The following FRAS1 variants were observed in gnomAD, a reference collection of about 807,000 sequenced individuals.
The protein encoded by FRAS1 is extracellular matrix organizing protein FRAS1.
FRAS1 carries 290 observed loss-of-function variants against 435.2 expected under a neutral mutation model. The observed-to-expected ratio is 0.67, with a 90% confidence interval of 0.61 to 0.73. The LOEUF is 0.73. Ranked by LOEUF, FRAS1 falls within the 30% of genes least tolerant of loss-of-function variation. The probability of loss-of-function intolerance (pLI) is 0.00; values close to 1 mark genes in which losing one functional copy is unlikely to be tolerated. For missense variants in FRAS1, 4,860 were observed against 5,001.5 expected (o/e 0.97, Z 0.85); for synonymous variants, 1,800 against 1,851.0 (o/e 0.97, Z 0.71).
At chr4:78,059,787 C>T (rs1231314813) in intron 1 of FRAS1, among the ~76,000 whole-genome samples, 1 of 149,196 alleles carries the variant, frequency 6.7e-6, no homozygotes, top group Non-Finnish European at 1.5e-5. Flanking sequence ...CGCTCTTTGG[C>T]AGATTGCTTG....
chr4:78,409,580 T>C (rs1409008075), intron 31 of FRAS1, among the ~76,000 whole-genome samples: 1 of 152,208 alleles, frequency 6.6e-6, no homozygotes, highest in East Asian at 1.9e-4. Context: ...AAAACCTGAT[T>C]CTTTGAAGAT....
At chr4:78,316,746 A>G (rs1337057869) in intron 16 of FRAS1, among the ~76,000 whole-genome samples, 1 of 152,202 alleles carries the variant, frequency 6.6e-6, no homozygotes, top group Non-Finnish European at 1.5e-5. Context: ...TTGTTACTTA[A>G]AATCCTAGAA....
chr4:78,441,457 A>T (rs897159058), intron 41 of FRAS1, among the ~76,000 whole-genome samples, 160 bp downstream of exon 41: 1 of 152,190 alleles, frequency 6.6e-6, no homozygotes, highest in South Asian at 2.1e-4. Context: ...ATTCAACAAA[A>T]ATTTAATGAG....
At chr4:78,194,127 C>T (rs1722686904) in intron 2 of FRAS1, among the ~76,000 whole-genome samples, 1 of 152,216 alleles carries the variant, frequency 6.6e-6, no homozygotes, top group African/African-American at 2.4e-5. Flanking sequence ...TGTAGAGTTT[C>T]TGCCGAGAGA....
At chr4:78,419,976 A>G (rs764151690) in intron 33 of FRAS1, among the ~76,000 whole-genome samples, 1 of 152,220 alleles carries the variant, frequency 6.6e-6, no homozygotes, top group African/African-American at 2.4e-5. Flanking sequence ...CCTGTGATCC[A>G]GTCACCTCCC....
intron 2 of FRAS1, among the ~76,000 whole-genome samples, chr4:78,234,452 C>G (rs554125418): frequency 2.0e-5 from 3 of 152,220 alleles, no homozygotes; most frequent in African/African-American, 7.2e-5. Flanking sequence ...ATCTCGATCT[C>G]CTGACCTCGT....
At chr4:78,068,433 A>G in intron 2 of FRAS1, 1 of 444,744 alleles carries the variant, frequency 2.2e-6, no homozygotes, top group Non-Finnish European at 4.5e-6. Context: ...GTAAAGTCTG[A>G]AGCAAGAGCT....
In FRAS1 at chr4:78,152,273, A is replaced by G. The variant is rs147064685; in HGVS notation, c.109-85237A>G. Among the ~76,000 whole-genome samples the G allele has an allele frequency of 5.6e-3, 859 of 152,262 alleles. 8 individuals carry two copies. Among genetic ancestry groups the G allele is most frequent in the African/African-American group, 0.02 (814 of 41,566 alleles). ...TCTTCTGTGTGGTTTTTAGAAAGGC[A>G]GGGTGTGTCTTAAGGCACTTTTCCT... is the stretch of plus-strand genomic sequence containing the variant. On this transcript the variant is annotated intron_variant, in intron 2 of 73. Transcript: ENST00000512123.
intron 2 of FRAS1, among the ~76,000 whole-genome samples, chr4:78,113,378 T>C (rs1294691960): frequency 6.6e-6 from 1 of 152,182 alleles, no homozygotes; most frequent in Non-Finnish European, 1.5e-5. Flanking sequence ...GTATTTCTAG[T>C]TCTAGATCCC....
intron 71 of FRAS1, among the ~76,000 whole-genome samples, 160 bp from the exon 72 acceptor site, chr4:78,536,835 T>C (rs1322578935): frequency 1.3e-5 from 2 of 152,180 alleles, no homozygotes; most frequent in Admixed American, 6.5e-5. Context: ...AACGAAGCAA[T>C]AAATGAATGA....
intron 2 of FRAS1, among the ~76,000 whole-genome samples, chr4:78,155,893 C>T (rs1284794948): frequency 1.3e-5 from 2 of 152,052 alleles, no homozygotes; most frequent in Non-Finnish European, 2.9e-5. Context: ...GCTCATTTTT[C>T]ATCAGGGAGA....
intron 29 of FRAS1, among the ~76,000 whole-genome samples, chr4:78,399,833 T>G (rs1163536535): frequency 6.6e-6 from 1 of 152,230 alleles, no homozygotes; most frequent in African/African-American, 2.4e-5. Flanking sequence ...TTTATCTCAG[T>G]GCTAGTCATT....
At chr4:78,455,040 A>G (rs1268179013) in intron 47 of FRAS1, among the ~76,000 whole-genome samples, 1 of 152,002 alleles carries the variant, frequency 6.6e-6, no homozygotes, top group East Asian at 1.9e-4. Context: ...AGTCCCTACC[A>G]GTTTTTCTCA....
At chr4:78,264,942 T>A in intron 6 of FRAS1, 83 bp from the exon 7 acceptor site, 1 of 798,082 alleles carries the variant, frequency 1.3e-6, no homozygotes, top group Non-Finnish European at 2.2e-6. Context: ...CATGATTTAG[T>A]TGGCTGTGAA....
At chr4:78,206,646 A>G (rs973023282) in intron 2 of FRAS1, among the ~76,000 whole-genome samples, 3 of 152,140 alleles carry the variant, frequency 2.0e-5, no homozygotes, top group Admixed American at 6.5e-5. Context: ...CTCACATTTC[A>G]TCTTTTCTTT....
At chr4:78,214,060 A>G (rs974369348) in intron 2 of FRAS1, among the ~76,000 whole-genome samples, 1 of 152,150 alleles carries the variant, frequency 6.6e-6, no homozygotes, top group African/African-American at 2.4e-5. Context: ...GGTTCTGGGG[A>G]ATTTGGTGGG....
chr4:78,517,850 T>C (rs989643047), intron 66 of FRAS1, among the ~76,000 whole-genome samples: 3 of 152,212 alleles, frequency 2.0e-5, no homozygotes, highest in Non-Finnish European at 2.9e-5. Context: ...GAGATTTTAT[T>C]GAAGTTCTGA....
Position 78,282,852 on chromosome 4 carries a change from GGT to G in FRAS1, c.1146_1147del (p.Cys382Ter), listed in dbSNP as rs1560625450. 8.1e-6 allele frequency: 13 copies of G among 1,613,304 alleles called. No homozygotes were observed. Among genetic ancestry groups the G allele is most frequent in the Non-Finnish European group, 1.0e-5 (12 of 1,179,728 alleles). On this transcript the variant is annotated frameshift_variant, in exon 12 of 74. Coordinates refer to ENST00000512123, the MANE Select transcript of FRAS1 (RefSeq NM_025074.7). LOFTEE classifies it high-confidence loss of function. ...AGAAGTGGGAAGATGGCCCTTGCAA[GGT>G]GTGTGAGTGCCGAGGGGCTCAGGTA... The part of the protein sequence containing the change: ...GEKWEDGPCK[V>X]CECRGAQVTC...
chr4:78,109,128 G>A (rs1240455415), intron 2 of FRAS1, among the ~76,000 whole-genome samples: 2 of 68,848 alleles, frequency 2.9e-5, no homozygotes, highest in Non-Finnish European at 5.7e-5. Flanking sequence ...ACCAAAAAGA[G>A]TCCAGGACCA....
Sources: allele counts gnomAD v4.1 joint callset (sites outside exome capture counted in the v4.1 genomes callset), GRCh38; gene constraint gnomAD v4.1.1; transcripts MANE v1.5; gene names NCBI Gene and HGNC (gene_info 2026-07-23, HGNC 2026-07-21).